Variants in LAMA2 observed in about 807,000 individuals in gnomAD.
LAMA2 encodes laminin subunit alpha 2, also known as laminin subunit alpha-2.
LAMA2 carries 269 observed loss-of-function variants against 364.8 expected under a neutral mutation model. The observed-to-expected ratio is 0.74, with a 90% CI of 0.67 to 0.82. LAMA2 has a LOEUF of 0.82. Ranked by LOEUF, LAMA2 falls within the 40% of genes least tolerant of loss-of-function variation. The pLI is 0.00. For synonymous variants in LAMA2, 1,379 were observed against 1,370.6 expected (o/e 1.01, Z -0.14); for missense variants, 3,807 against 3,873.2 (o/e 0.98, Z 0.45).
intron 1 of LAMA2, among the ~76,000 whole-genome samples, chr6:128,913,338 C>T (rs1445696114): frequency 6.6e-6 from 1 of 152,078 alleles, no homozygotes; most frequent in Admixed American, 6.6e-5. Context: ...ATTGATATAA[C>T]CAATCATTAT....
At chr6:129,419,790 A>T (rs1780983002) in intron 40 of LAMA2, among the ~76,000 whole-genome samples, 1 of 152,102 alleles carries the variant, frequency 6.6e-6, no homozygotes, top group Non-Finnish European at 1.5e-5. Flanking sequence ...TACCACCCTT[A>T]GGGTATGCTA....
At chr6:128,936,402 T>C (rs1207976524) in intron 1 of LAMA2, among the ~76,000 whole-genome samples, 1 of 152,210 alleles carries the variant, frequency 6.6e-6, no homozygotes, top group East Asian at 1.9e-4. Context: ...TTGAATTTTT[T>C]CAAATGCTTT....
intron 45 of LAMA2, among the ~76,000 whole-genome samples, chr6:129,451,580 A>G (rs1782677944): frequency 6.6e-6 from 1 of 152,222 alleles, no homozygotes. Context: ...CAATTTGATT[A>G]GCAGATCAGG....
rs73773698 is a variant in LAMA2, at chr6:129,193,134, A to G, written c.1782+281A>G. On this transcript the variant is annotated intron_variant, in intron 12 of 64. Coordinates refer to ENST00000421865, the MANE Select transcript of LAMA2 (RefSeq NM_000426.4). ...AGCCGCTAGTGTATTTTCGTAAAGCAAATTATAGGTATTGGAAGAAACTGT... is the reference window on the plus strand; with the variant it reads ...AGCCGCTAGTGTATTTTCGTAAAGCGAATTATAGGTATTGGAAGAAACTGT... Among the ~76,000 whole-genome samples, 649 of 152,350 alleles carry G rather than the reference A, an allele frequency of 4.3e-3. 5 individuals are homozygous for G. The highest frequency in any genetic ancestry group is 0.015 in the African/African-American group (615 of 41,580).
At chr6:129,198,747 C>T (rs997306350) in intron 12 of LAMA2, among the ~76,000 whole-genome samples, 9 of 151,678 alleles carry the variant, frequency 5.9e-5, no homozygotes, top group Non-Finnish European at 7.4e-5. Context: ...AAAATTTACA[C>T]ACAATAAGAA....
At chr6:128,948,843 A>G (rs1286414032) in intron 1 of LAMA2, among the ~76,000 whole-genome samples, 1 of 152,082 alleles carries the variant, frequency 6.6e-6, no homozygotes, top group Non-Finnish European at 1.5e-5. Context: ...CCATGACTGG[A>G]AGCTTCCTGA....
At chr6:129,175,967 CTT>C (rs1402381945) in intron 9 of LAMA2, among the ~76,000 whole-genome samples, 2 of 151,578 alleles carry the variant, frequency 1.3e-5, no homozygotes, top group Non-Finnish European at 2.9e-5. Flanking sequence ...TTTCAAATCT[CTT>C]TACTTCCTGT....
At chr6:129,230,088 A>G (rs265332) in intron 12 of LAMA2, among the ~76,000 whole-genome samples, 91,566 of 151,990 alleles carry the variant, frequency 0.6, 31,423 homozygotes, top group Non-Finnish European at 0.76. Context: ...ACGAGACAAA[A>G]TATGAGATCT....
At chr6:129,120,662 A>G (rs987212197) in intron 4 of LAMA2, among the ~76,000 whole-genome samples, 2 of 152,194 alleles carry the variant, frequency 1.3e-5, no homozygotes, top group African/African-American at 4.8e-5. Context: ...TTCTGTCTTT[A>G]GTGCTATTTT....
intron 1 of LAMA2, among the ~76,000 whole-genome samples, chr6:128,922,950 A>G (rs1490448014): frequency 6.6e-6 from 1 of 151,662 alleles, no homozygotes; most frequent in Admixed American, 6.6e-5. Context: ...TCCCAGCACC[A>G]TTTATTAAAT....
At chr6:129,227,063 C>G (rs979246851) in intron 12 of LAMA2, among the ~76,000 whole-genome samples, 13 of 152,132 alleles carry the variant, frequency 8.5e-5, no homozygotes, top group African/African-American at 2.9e-4. Context: ...CTTCTCTTCT[C>G]ACTTCATTTC....
At chr6:129,489,705 C>A (rs1784765764) in intron 56 of LAMA2, among the ~76,000 whole-genome samples, 1 of 152,134 alleles carries the variant, frequency 6.6e-6, no homozygotes, top group African/African-American at 2.4e-5. Flanking sequence ...TAAATATTTT[C>A]TTTCTTAACA....
chr6:129,209,627 A>G (rs972812930), intron 12 of LAMA2, among the ~76,000 whole-genome samples: 1 of 152,204 alleles, frequency 6.6e-6, no homozygotes, highest in Non-Finnish European at 1.5e-5. Flanking sequence ...TAACTCCTTT[A>G]AAAATCTAGT....
intron 4 of LAMA2, among the ~76,000 whole-genome samples, chr6:129,102,118 T>TTTTC (rs1419837888): frequency 6.7e-6 from 1 of 149,366 alleles, no homozygotes; most frequent in Non-Finnish European, 1.5e-5. Flanking sequence ...CATTTTCTTT[T>TTTTC]TTTCTTTCTT....
At chr6:129,119,704 C>A (rs568792032) in intron 4 of LAMA2, among the ~76,000 whole-genome samples, 1 of 152,106 alleles carries the variant, frequency 6.6e-6, no homozygotes, top group Non-Finnish European at 1.5e-5. Context: ...CCCGCCACCA[C>A]GCCTGGCTAA....
At chr6:129,107,728 T>A (rs1343839185) in intron 4 of LAMA2, among the ~76,000 whole-genome samples, 1 of 152,232 alleles carries the variant, frequency 6.6e-6, no homozygotes, top group Admixed American at 6.5e-5. Context: ...TGTCGCATTT[T>A]ACAGTTGAGA....
chr6:128,929,869 G>C (rs1011580648), intron 1 of LAMA2: 2 of 958,560 alleles, frequency 2.1e-6, no homozygotes, highest in Admixed American at 3.5e-5. Context: ...ACTTCCACGA[G>C]TGAAGATCAG....
At chr6:129,415,649 CA>C (rs1354366848) in intron 40 of LAMA2, among the ~76,000 whole-genome samples, 1 of 151,902 alleles carries the variant, frequency 6.6e-6, no homozygotes, top group African/African-American at 2.4e-5. Context: ...AGTTTGAGAC[CA>C]GCCTGGACAA....
intron 9 of LAMA2, among the ~76,000 whole-genome samples, chr6:129,176,299 G>A (rs1414626317): frequency 6.6e-6 from 1 of 151,610 alleles, no homozygotes; most frequent in Non-Finnish European, 1.5e-5. Flanking sequence ...TAATTTTTGT[G>A]GCATTTGATA....
Sources: allele counts gnomAD v4.1 joint callset (sites outside exome capture counted in the v4.1 genomes callset), GRCh38; gene constraint gnomAD v4.1.1; transcripts MANE v1.5; gene names NCBI Gene and HGNC (gene_info 2026-07-23, HGNC 2026-07-21).